Variants in L3MBTL2 observed in about 807,000 individuals in gnomAD.
L3MBTL2 encodes L3MBTL histone methyl-lysine binding protein 2, also known as lethal(3)malignant brain tumor-like protein 2.
L3MBTL2 carries 49 observed loss-of-function variants against 86.4 expected under a neutral mutation model. The observed-to-expected ratio is 0.57, with a 90% CI of 0.45 to 0.72. L3MBTL2 has a LOEUF of 0.72. Among genes scored for constraint, L3MBTL2 ranks in the 30% least tolerant of loss-of-function variants. The pLI is 0.00. For missense variants in L3MBTL2, 755 were observed against 923.7 expected, an observed-to-expected ratio of 0.82 and a Z score of 2.37; for synonymous variants, 336 against 350.6, an observed-to-expected ratio of 0.96 and a Z score of 0.47.
At chr22:41,221,047 T>G in intron 7 of L3MBTL2, 152 bp from the exon 8 acceptor site, 1 of 917,716 alleles carries the variant, frequency 1.1e-6, no homozygotes, top group Non-Finnish European at 1.6e-6. Context: ...GTGTGGAATC[T>G]GATGTTCTCA....
At chr22:41,223,490 C>G (rs1031435485) in intron 8 of L3MBTL2, among the ~76,000 whole-genome samples, 7 of 152,042 alleles carry the variant, frequency 4.6e-5, no homozygotes, top group Admixed American at 3.3e-4. Context: ...TGCAGCCCAT[C>G]AGGGTCAGAA....
rs1214860331 is a variant in L3MBTL2 at position 41,205,333 on chromosome 22, C to G, written c.-30C>G. 1.2e-6 allele frequency: 2 copies of G among 1,613,938 alleles called. No individual in the cohort carries two copies. The highest frequency in any genetic ancestry group is 1.7e-6 in the Non-Finnish European group (2 of 1,179,976). On this transcript the variant is annotated 5_prime_UTR_variant, in exon 1 of 17. Transcript: ENST00000216237. ...GGGCAGGCCAATATGGCTTCCTGCA[C>G]CTGGTGACGCTTGGCGAAACTGAGG...
At chr22:41,218,561 A>T (rs2031571012) in intron 5 of L3MBTL2, 1 of 152,194 alleles carries the variant, frequency 6.6e-6, no homozygotes, top group South Asian at 2.1e-4. Context: ...CAGGAAAGTG[A>T]GGATTAGGTA....
rs200042658 is a variant in L3MBTL2, at chr22:41,226,659, C to T, written c.1505-3C>T. 29 of 1,610,234 alleles carry T rather than the reference C, an allele frequency of 1.8e-5. No individual in the cohort carries two copies. The East Asian group carries it at 5.6e-4, about 31-fold the overall frequency. On this transcript the variant is annotated splice_region_variant and splice_polypyrimidine_tract_variant and intron_variant, in intron 12 of 16. Coordinates refer to ENST00000216237, the MANE Select transcript of L3MBTL2 (RefSeq NM_031488.5). ...TCTGCATCTGAGCTTTCTGCTCCTC[C>T]AGGTTATGAGGCACAGACTTTCAAC...
In L3MBTL2 at chr22:41,217,107, C is replaced by T; in HGVS notation, c.521-16C>T. 8 of 1,611,190 alleles carry T rather than the reference C, an allele frequency of 5.0e-6. No homozygotes were observed. Among genetic ancestry groups the T allele is most frequent in the Non-Finnish European group, 6.8e-6 (8 of 1,177,790 alleles). ...TGCGCAGGCTCCTAGTCTGACTCGTCCTCTCTGCTCTGCAGCTCTGGTCTT... is the reference window on the plus strand; with the variant it reads ...TGCGCAGGCTCCTAGTCTGACTCGTTCTCTCTGCTCTGCAGCTCTGGTCTT... On this transcript the variant is annotated splice_polypyrimidine_tract_variant and intron_variant, in intron 4 of 16. Coordinates refer to ENST00000216237, the MANE Select transcript of L3MBTL2 (RefSeq NM_031488.5).
chr22:41,219,415 A>T lies in L3MBTL2; in HGVS notation c.601-4A>T. 1 of 1,605,124 alleles carries T rather than the reference A, an allele frequency of 6.2e-7. No homozygotes were observed. Among genetic ancestry groups the T allele is most frequent in the South Asian group, 1.1e-5 (1 of 90,900 alleles). ...TCTCTCGGTACACTCTCATCGCCAC[A>T]CAGGTCCCACTCTATGACCAGTGGG... is the stretch of plus-strand genomic sequence containing the variant. On this transcript the variant is annotated splice_polypyrimidine_tract_variant and splice_region_variant and intron_variant, in intron 5 of 16. Coordinates refer to ENST00000216237, the MANE Select transcript of L3MBTL2 (RefSeq NM_031488.5).
rs1320085937 is a variant in L3MBTL2 at position 41,216,037 on chromosome 22, G to T, written c.397-102G>T. ...ATGAAGAAACTGAAGCCCAAAAGAGGTTAAGTCACTGGCCCAAGCCCAGGA... is the reference window on the plus strand; with the variant it reads ...ATGAAGAAACTGAAGCCCAAAAGAGTTTAAGTCACTGGCCCAAGCCCAGGA... On this transcript the variant is annotated intron_variant, in intron 3 of 16. Transcript: ENST00000216237. The T allele has an allele frequency of 3.8e-6, 5 of 1,313,652 alleles. No homozygotes were observed. In the African/African-American group the frequency reaches 6.0e-5, roughly 16 times the overall value. The allele number at this position is 1,313,652 out of a possible 1,614,324, so 81.4% of individuals were successfully genotyped here.
At chr22:41,212,684 A>C (rs1491000996) in intron 2 of L3MBTL2, among the ~76,000 whole-genome samples, 1 of 151,872 alleles carries the variant, frequency 6.6e-6, no homozygotes, top group Non-Finnish European at 1.5e-5. Context: ...TCACAAGGTC[A>C]GGAGTTCAAG....
intron 1 of L3MBTL2, among the ~76,000 whole-genome samples, chr22:41,207,776 C>G (rs892841250): frequency 6.6e-6 from 1 of 151,966 alleles, no homozygotes; most frequent in East Asian, 1.9e-4. Flanking sequence ...CAGGCTCAAG[C>G]TGTCTTCCCA....
At chr22:41,218,153 AAACTC>A (rs1341702046) in intron 5 of L3MBTL2, 1 of 152,256 alleles carries the variant, frequency 6.6e-6, no homozygotes, top group Non-Finnish European at 1.5e-5. Flanking sequence ...GTGATGAACT[AAACTC>A]AAGTGACCAG....
At chr22:41,223,979 G>T (rs1332647321) in intron 8 of L3MBTL2, 41 bp from the exon 9 acceptor site, 1 of 1,524,136 alleles carries the variant, frequency 6.6e-7, no homozygotes, top group African/African-American at 1.4e-5. Context: ...GGTGGGAAGA[G>T]CCCTGAGCCA....
At position 41,221,246 on chromosome 22, in the gene L3MBTL2, C is replaced by G. The variant is rs75888626; in HGVS notation, c.901C>G (p.Leu301Val). ...TDWKGYLMKR[L>V]VGSRTLPVDF... ...CTGGAAGGGCTACCTCATGAAACGG[C>G]TGGTGGGCTCCAGGACGCTTCCCGT... Residue 301 changes from leucine (L) to valine (V), a missense_variant, in exon 8 of 17, where the codon CTG becomes GTG. Transcript: ENST00000216237. 1,454 of 1,551,566 alleles carry G rather than the reference C, an allele frequency of 9.4e-4. 1 individual carries two copies. The highest frequency in any genetic ancestry group is 1.1e-3 in the Non-Finnish European group (1,314 of 1,146,812).
Position 41,225,103 on chromosome 22 carries a change from A to G in L3MBTL2, c.1356+32A>G. The G allele has an allele frequency of 6.3e-7, 1 of 1,575,136 alleles. No individual in the cohort carries two copies. Among genetic ancestry groups the G allele is most frequent in the Non-Finnish European group, 8.7e-7 (1 of 1,150,448 alleles). On this transcript the variant is annotated intron_variant, in intron 11 of 16. Coordinates refer to ENST00000216237, the MANE Select transcript of L3MBTL2 (RefSeq NM_031488.5). The surrounding 1 kb of genome is among the most constrained non-coding windows in gnomAD (Gnocchi z 4.1). ...CAGGGGCCGGCTCTCCAGCCTCCAG[A>G]TTTCTGAGCGGGGGGACCCATGTGG...
In L3MBTL2 at chr22:41,207,236, CTTTTTTTT is replaced by C. The variant is rs753351369; in HGVS notation, c.24+1868_24+1875del. ...TCGTCTCTTACTTCTCCCCCAAATC[CTTTTTTTT>C]TTTTTTTTTTTTTTTTTGAAACAGG... On this transcript the variant is annotated intron_variant, in intron 1 of 16. Coordinates refer to ENST00000216237, the MANE Select transcript of L3MBTL2 (RefSeq NM_031488.5). Among the ~76,000 whole-genome samples the C allele has an allele frequency of 4.2e-3, 509 of 120,534 alleles. 2 individuals carry two copies. The highest frequency in any genetic ancestry group is 0.015 in the African/African-American group (482 of 31,354). 79.1% of individuals were successfully genotyped at this position (120,534 alleles called of 152,430 possible). A position where few individuals can be genotyped will look rare whatever the true frequency, so the allele number is the denominator to read the frequency against.
intron 2 of L3MBTL2, among the ~76,000 whole-genome samples, chr22:41,212,552 C>T (rs1463506969): frequency 2.6e-5 from 4 of 151,858 alleles, no homozygotes; most frequent in Admixed American, 6.6e-5. Context: ...CGCCCACCAC[C>T]GCGCCCGGCC....
chr22:41,213,296 A>C (rs912276494), intron 2 of L3MBTL2, among the ~76,000 whole-genome samples: 1 of 152,144 alleles, frequency 6.6e-6, no homozygotes, highest in Non-Finnish European at 1.5e-5. Context: ...ACAGAGGTTA[A>C]GTGACTTTGG....
Position 41,224,150 on chromosome 22 carries a change from A to G in L3MBTL2, c.1073A>G (p.Glu358Gly). 1 of 1,614,026 alleles carries G rather than the reference A, an allele frequency of 6.2e-7. No homozygotes were observed. Among genetic ancestry groups the G allele is most frequent in the South Asian group, 1.1e-5 (1 of 91,070 alleles). ...VIGGRLRLLY[E>G]DGDSDDDFWC... ...GGGGGTCGCCTACGGCTCCTCTACGAGGATGGTGACAGTGACGACGACTTC... is the reference window on the plus strand; with the variant it reads ...GGGGGTCGCCTACGGCTCCTCTACGGGGATGGTGACAGTGACGACGACTTC... The change falls in exon 9 of 17, where the codon GAG (glutamate) becomes GGG (glycine). Residue 358 changes from glutamate to glycine, a missense_variant. Physicochemically the swap from Glu to Gly is moderately conservative, Grantham distance 98 (BLOSUM62 -2). This residue lies in a region of L3MBTL2 where 634 missense variants were observed against 748.9 expected (regional missense o/e 0.85). Coordinates refer to ENST00000216237, the MANE Select transcript of L3MBTL2 (RefSeq NM_031488.5). The surrounding 1 kb of genome is among the most constrained non-coding windows in gnomAD (Gnocchi z 4.9).
chr22:41,227,192 G>A lies in L3MBTL2; in HGVS notation c.1691G>A (p.Arg564Gln), dbSNP rs760184181. The change falls in exon 14 of 17, where the codon CGG becomes CAG. Residue 564 changes from arginine (R) to glutamine (Q), a missense_variant. Physicochemically the swap from Arg to Gln is conservative, Grantham distance 43. Around this residue, in one of 3 missense-constraint regions of L3MBTL2, gnomAD observed 634 missense variants for 748.9 expected, o/e 0.85. Transcript: ENST00000216237. The surrounding 1 kb of genome is among the most constrained non-coding windows in gnomAD (Gnocchi z 6.0). ...CVATVKRVVH[R>Q]LLSIHFDGWD... ...GCCACGGTGAAACGAGTGGTGCATCGGCTCCTCAGCATCCACTTTGACGGC... is the reference window on the plus strand; with the variant it reads ...GCCACGGTGAAACGAGTGGTGCATCAGCTCCTCAGCATCCACTTTGACGGC... 3 of 1,613,602 alleles carry A rather than the reference G, an allele frequency of 1.9e-6. No homozygotes were observed. Among genetic ancestry groups the A allele is most frequent in the Middle Eastern group, 1.7e-4 (1 of 6,060 alleles).
chr22:41,230,100 A>C, intron 16 of L3MBTL2, 39 bp from the exon 17 acceptor site: 1 of 477,132 alleles, frequency 2.1e-6, no homozygotes, highest in Non-Finnish European at 3.2e-6. Flanking sequence ...TCCCAGAGTT[A>C]TTTACTCGCC....
Sources: allele counts gnomAD v4.1 joint callset (sites outside exome capture counted in the v4.1 genomes callset), GRCh38; gene constraint gnomAD v4.1.1; regional missense constraint gnomAD v4.1.1; non-coding constraint Gnocchi (gnomAD v3.1); transcripts MANE v1.5; gene names NCBI Gene and HGNC (gene_info 2026-07-23, HGNC 2026-07-21).